The following PLXDC2 variants were observed in gnomAD, a reference collection of about 807,000 sequenced individuals.
The protein encoded by PLXDC2 is plexin domain containing 2, also known as plexin domain-containing protein 2.
PLXDC2 carries 40 observed loss-of-function variants against 68.9 expected under a neutral mutation model. That is an observed-to-expected ratio of 0.58 (90% confidence interval 0.45 to 0.76). The LOEUF is 0.76. PLXDC2 is among the 30% of genes least tolerant of loss of function. PLXDC2 has a pLI of 0.00. For missense variants in PLXDC2, 644 were observed against 661.9 expected (o/e 0.97, Z 0.30); for synonymous variants, 243 against 234.2 (o/e 1.04, Z -0.34).
At chr10:20,105,458 AT>A (rs547687662) in intron 4 of PLXDC2, among the ~76,000 whole-genome samples, 55 of 149,774 alleles carry the variant, frequency 3.7e-4, no homozygotes, top group African/African-American at 1.0e-3. Flanking sequence ...GCAAAAAGCA[AT>A]GACATATGCA....
chr10:20,230,510 A>C (rs901908221), intron 12 of PLXDC2, among the ~76,000 whole-genome samples: 1 of 151,678 alleles, frequency 6.6e-6, no homozygotes, highest in Non-Finnish European at 1.5e-5. Flanking sequence ...TCTCTACTAA[A>C]AATACAAAAA....
chr10:19,934,778 G>A (rs370197285), intron 1 of PLXDC2, among the ~76,000 whole-genome samples: 1 of 152,182 alleles, frequency 6.6e-6, no homozygotes, highest in Non-Finnish European at 1.5e-5. Context: ...TTCTTCAGGG[G>A]TTCCCTGAGC....
At chr10:19,984,271 G>T (rs933615012) in intron 1 of PLXDC2, among the ~76,000 whole-genome samples, 3 of 152,132 alleles carry the variant, frequency 2.0e-5, no homozygotes, top group Admixed American at 6.5e-5. Flanking sequence ...GAAAGCAAGG[G>T]GGGAAGAGGC....
intron 1 of PLXDC2, among the ~76,000 whole-genome samples, chr10:19,994,585 G>A (rs1296593141): frequency 6.6e-6 from 1 of 152,048 alleles, no homozygotes; most frequent in Non-Finnish European, 1.5e-5. Flanking sequence ...CTGGTCTCAA[G>A]CAATCTGCTT....
At chr10:20,240,925 A>C (rs1344593958) in intron 12 of PLXDC2, among the ~76,000 whole-genome samples, 6 of 152,196 alleles carry the variant, frequency 3.9e-5, no homozygotes. Flanking sequence ...GAACACATCA[A>C]GTCATGTCAT....
chr10:19,872,743 G>A (rs1837562697), intron 1 of PLXDC2, among the ~76,000 whole-genome samples: 1 of 152,072 alleles, frequency 6.6e-6, no homozygotes, highest in Non-Finnish European at 1.5e-5. Flanking sequence ...CGGCATCCAT[G>A]AGTTCCCTCC....
chr10:20,052,382 C>A (rs954988527), intron 3 of PLXDC2, among the ~76,000 whole-genome samples: 1 of 151,866 alleles, frequency 6.6e-6, no homozygotes, highest in South Asian at 2.1e-4. Flanking sequence ...AGAATAAAAT[C>A]AAGTAGTTAC....
chr10:20,061,345 A>G (rs1836099617), intron 3 of PLXDC2, among the ~76,000 whole-genome samples: 1 of 152,192 alleles, frequency 6.6e-6, no homozygotes, highest in Non-Finnish European at 1.5e-5. Context: ...GTTATTCTGT[A>G]CAATGTCCCT....
chr10:20,019,921 C>G (rs1407201916), intron 2 of PLXDC2, among the ~76,000 whole-genome samples: 1 of 152,148 alleles, frequency 6.6e-6, no homozygotes, highest in Admixed American at 6.5e-5. Context: ...CATGAAACTT[C>G]CATCCGTTGA....
intron 1 of PLXDC2, among the ~76,000 whole-genome samples, chr10:19,881,434 T>C (rs1478159749): frequency 2.0e-5 from 3 of 152,196 alleles, no homozygotes; most frequent in Non-Finnish European, 4.4e-5. Flanking sequence ...CTTTTAAGAA[T>C]GGAGCCTTTC....
intron 13 of PLXDC2, among the ~76,000 whole-genome samples, chr10:20,249,316 G>A (rs2119343066): frequency 6.6e-6 from 1 of 152,296 alleles, no homozygotes; most frequent in East Asian, 1.9e-4. Context: ...AAGACTGTGT[G>A]TTAGTTTTCT....
intron 4 of PLXDC2, among the ~76,000 whole-genome samples, chr10:20,078,604 A>C (rs1374394110): frequency 6.6e-6 from 1 of 152,218 alleles, no homozygotes; most frequent in Non-Finnish European, 1.5e-5. Flanking sequence ...AATACACAGC[A>C]ATGGAAGGAA....
Position 20,206,875 on chromosome 10 carries a change from G to GAC in PLXDC2, c.1062-4780_1062-4779dup, listed in dbSNP as rs138344194. 9.2e-3 allele frequency among the ~76,000 whole-genome samples: 1,046 copies of GAC among 113,792 alleles called. 15 individuals carry two copies. The highest frequency in any genetic ancestry group is 0.041 in the East Asian group (207 of 5,078). 74.7% of individuals were successfully genotyped at this position (113,792 alleles called of 152,430 possible). ...ACACACACACACACACACACACACA[G>GAC]ACACACACACACACAGCACCTCAGT... On this transcript the variant is annotated intron_variant, in intron 9 of 13. Transcript: ENST00000377252.
intron 1 of PLXDC2, among the ~76,000 whole-genome samples, chr10:19,834,352 A>T (rs77040254): frequency 0.29 from 41,963 of 147,144 alleles, 6,429 homozygotes; most frequent in East Asian, 0.45. Flanking sequence ...AGAGAGAGAG[A>T]GAGTGTGTGT....
chr10:20,030,939 T>C (rs1318192021), intron 2 of PLXDC2, among the ~76,000 whole-genome samples: 1 of 151,632 alleles, frequency 6.6e-6, no homozygotes, highest in Non-Finnish European at 1.5e-5. Context: ...TAAACCCAAA[T>C]TTAGCCCACT....
intron 13 of PLXDC2, among the ~76,000 whole-genome samples, chr10:20,264,340 G>A (rs1471000866): frequency 6.6e-6 from 1 of 152,102 alleles, no homozygotes; most frequent in Non-Finnish European, 1.5e-5. Context: ...AGGGAGAGGA[G>A]CAGAAGAGAT....
At chr10:20,024,632 G>A (rs1835366440) in intron 2 of PLXDC2, among the ~76,000 whole-genome samples, 1 of 152,036 alleles carries the variant, frequency 6.6e-6, no homozygotes, top group Non-Finnish European at 1.5e-5. Flanking sequence ...AGGGGTATGT[G>A]TGCAGGTTTG....
intron 13 of PLXDC2, among the ~76,000 whole-genome samples, chr10:20,258,158 T>G (rs1485083814): frequency 6.6e-6 from 1 of 151,846 alleles, no homozygotes; most frequent in Admixed American, 6.6e-5. Flanking sequence ...TCTGCCACCA[T>G]TCCCAGCTAA....
chr10:19,908,598 G>C (rs1043723041), intron 1 of PLXDC2, among the ~76,000 whole-genome samples: 1 of 152,056 alleles, frequency 6.6e-6, no homozygotes, highest in South Asian at 2.1e-4. Context: ...AGATTCTGAC[G>C]AGTCAAAGGT....
Sources: allele counts gnomAD v4.1 joint callset (sites outside exome capture counted in the v4.1 genomes callset), GRCh38; gene constraint gnomAD v4.1.1; transcripts MANE v1.5; gene names NCBI Gene and HGNC (gene_info 2026-07-23, HGNC 2026-07-21).